The following IMMP2L variants were observed in gnomAD, a reference collection of about 807,000 sequenced individuals.
The protein encoded by IMMP2L is mitochondrial inner membrane protease subunit 2.
IMMP2L carries 18 observed loss-of-function variants against 19.3 expected under a neutral mutation model. The ratio of observed to expected loss-of-function variants is 0.93; its 90% confidence interval spans 0.64 to 1.38. The LOEUF (loss-of-function observed/expected upper bound fraction) is 1.38, where lower values mean the gene tolerates loss of function less well. Among genes scored for constraint, IMMP2L ranks in the 40% most tolerant of loss-of-function variants. IMMP2L has a pLI of 0.00. For missense variants in IMMP2L, 233 were observed against 218.2 expected (o/e 1.07, Z -0.43); for synonymous variants, 76 against 73.0 (o/e 1.04, Z -0.21).
intron 4 of IMMP2L, among the ~76,000 whole-genome samples, chr7:110,955,291 T>C (rs1259743740): frequency 1.3e-5 from 2 of 151,984 alleles, no homozygotes; most frequent in Non-Finnish European, 2.9e-5. Context: ...ATAGGTTGTC[T>C]ACTAATCTAT....
In IMMP2L at chr7:111,412,034, C is replaced by T. The variant is rs886502775; in HGVS notation, c.239+75204G>A. The stretch of plus-strand genomic sequence containing the variant: ...GGCCCCAACTTTGTTCCCTGATCTC[C>T]CTGAAGCCTGCAAAATTGGTCATCA... On this transcript the variant is annotated intron_variant, in intron 3 of 5. Coordinates refer to ENST00000405709, the MANE Select transcript of IMMP2L (RefSeq NM_032549.4). Among the ~76,000 whole-genome samples the T allele has an allele frequency of 2.8e-4, 43 of 151,634 alleles. 1 individual carries two copies. The highest frequency in any genetic ancestry group is 1.0e-3 in the African/African-American group (42 of 41,026).
intron 3 of IMMP2L, among the ~76,000 whole-genome samples, chr7:110,972,867 T>C (rs193264800): frequency 2.6e-5 from 4 of 152,214 alleles, no homozygotes; most frequent in Non-Finnish European, 5.9e-5. Context: ...AGGGTTCTAC[T>C]CATTTAACAG....
At chr7:110,916,833 G>T (rs1813665577) in intron 4 of IMMP2L, among the ~76,000 whole-genome samples, 2 of 152,000 alleles carry the variant, frequency 1.3e-5, no homozygotes, top group Admixed American at 6.6e-5. Context: ...TATTATAGTT[G>T]GTGATACATT....
intron 3 of IMMP2L, among the ~76,000 whole-genome samples, chr7:111,077,046 A>G (rs1795476127): frequency 1.3e-5 from 2 of 152,208 alleles, no homozygotes; most frequent in African/African-American, 4.8e-5. Context: ...TCTTATCTCA[A>G]GATGAAAGGC....
chr7:111,375,246 G>A (rs1007521787), intron 3 of IMMP2L, among the ~76,000 whole-genome samples: 4 of 151,838 alleles, frequency 2.6e-5, no homozygotes, highest in Non-Finnish European at 2.9e-5. Flanking sequence ...AAACTACCAG[G>A]AAACAGATGA....
intron 3 of IMMP2L, among the ~76,000 whole-genome samples, chr7:110,997,683 G>A (rs566341834): frequency 5.9e-5 from 9 of 151,268 alleles, no homozygotes; most frequent in South Asian, 2.1e-4. Flanking sequence ...TTTTCTGTTC[G>A]TGTCTTTTGC....
At chr7:111,347,854 T>C (rs1035937026) in intron 3 of IMMP2L, among the ~76,000 whole-genome samples, 8 of 152,084 alleles carry the variant, frequency 5.3e-5, no homozygotes, top group Non-Finnish European at 1.0e-4. Context: ...TCCTCTTTCA[T>C]AAATGAAATT....
chr7:111,462,652 T>C (rs983585429), intron 3 of IMMP2L, among the ~76,000 whole-genome samples: 5 of 152,134 alleles, frequency 3.3e-5, no homozygotes, highest in Non-Finnish European at 7.4e-5. Flanking sequence ...CTTTGTGTGA[T>C]AGAGCTTTTC....
In IMMP2L at chr7:111,213,490, C is replaced by T. The variant is rs1173451423; in HGVS notation, c.240-249925G>A. Among the ~76,000 whole-genome samples, 4 of 152,136 alleles carry T rather than the reference C, an allele frequency of 2.6e-5. No individual in the cohort carries two copies. The South Asian group carries it at 6.2e-4, about 24-fold the overall frequency. ...GGCCCCACCTTCAAGCTGGGGAGGG[C>T]CTGAAGCCCTCCAGGGGCCAGGCTG... is the stretch of plus-strand genomic sequence containing the variant. On this transcript the variant is annotated intron_variant, in intron 3 of 5. Coordinates refer to ENST00000405709, the MANE Select transcript of IMMP2L (RefSeq NM_032549.4). This position sits in a 1 kb window ranked among gnomAD's most constrained non-coding sequence, Gnocchi z 4.8.
In IMMP2L at chr7:111,356,419, A is replaced by T. The variant is rs372894510; in HGVS notation, c.239+130819T>A. On this transcript the variant is annotated intron_variant, in intron 3 of 5. Transcript: ENST00000405709. ...TATATGTAATCTAGAGGTGACTTTA[A>T]GTATAAGAAAGGATCTACATAGGTT... Among the ~76,000 whole-genome samples the T allele has an allele frequency of 8.5e-5, 13 of 152,254 alleles. No individual in the cohort carries two copies. In the East Asian group the frequency reaches 2.5e-3, roughly 29 times the overall value.
chr7:111,521,582 T>G, intron 1 of IMMP2L, 133 bp from the exon 2 acceptor site: 2 of 637,454 alleles, frequency 3.1e-6, no homozygotes, highest in Non-Finnish European at 5.0e-6. Flanking sequence ...CACTCATTCC[T>G]GTAACCATTA....
chr7:111,484,798 A>G lies in IMMP2L; in HGVS notation c.239+2440T>C, dbSNP rs183848388. 5.6e-4 allele frequency among the ~76,000 whole-genome samples: 85 copies of G among 152,282 alleles called. 2 individuals are homozygous for G. The highest frequency in any genetic ancestry group is 1.9e-3 in the African/African-American group (79 of 41,572). On this transcript the variant is annotated intron_variant, in intron 3 of 5. Transcript: ENST00000405709. ...TGTTTCATCATAAGACTAAAAAGATACTTTTTATTAGGCAGGGTCTCACTG... is the reference window on the plus strand; with the variant it reads ...TGTTTCATCATAAGACTAAAAAGATGCTTTTTATTAGGCAGGGTCTCACTG...
intron 3 of IMMP2L, among the ~76,000 whole-genome samples, chr7:111,278,492 G>A (rs998804385): frequency 6.6e-6 from 1 of 152,066 alleles, no homozygotes; most frequent in African/African-American, 2.4e-5. Flanking sequence ...AAAAATGAAT[G>A]TCACCATTTA....
chr7:110,903,441 C>T (rs1401966725), intron 4 of IMMP2L, among the ~76,000 whole-genome samples: 1 of 152,196 alleles, frequency 6.6e-6, no homozygotes, highest in African/African-American at 2.4e-5. Flanking sequence ...CTGGCAACCA[C>T]CATTCTACCC....
intron 3 of IMMP2L, among the ~76,000 whole-genome samples, chr7:111,142,207 T>A (rs922294246): frequency 4.0e-5 from 6 of 151,580 alleles, no homozygotes; most frequent in Non-Finnish European, 8.8e-5. Context: ...ATGCCTGTAA[T>A]CCCAGCTACT....
chr7:111,217,965 C>A (rs1812130610), intron 3 of IMMP2L, among the ~76,000 whole-genome samples: 1 of 151,988 alleles, frequency 6.6e-6, no homozygotes, highest in Admixed American at 6.6e-5. Context: ...GCAGTATTTT[C>A]ATGTTCTTCA....
At chr7:111,374,024 C>T (rs1167368207) in intron 3 of IMMP2L, among the ~76,000 whole-genome samples, 1 of 151,874 alleles carries the variant, frequency 6.6e-6, no homozygotes, top group African/African-American at 2.4e-5. Context: ...TGCTCTGACC[C>T]TTCCCATTTT....
At chr7:111,423,415 G>T (rs1001634806) in intron 3 of IMMP2L, among the ~76,000 whole-genome samples, 1 of 151,784 alleles carries the variant, frequency 6.6e-6, no homozygotes, top group African/African-American at 2.4e-5. Flanking sequence ...TCTATTTAGA[G>T]ATTCAACTTC....
At chr7:110,965,023 C>T (rs1231664769) in intron 3 of IMMP2L, among the ~76,000 whole-genome samples, 2 of 151,998 alleles carry the variant, frequency 1.3e-5, no homozygotes, top group African/African-American at 2.4e-5. Context: ...TTCTGGTTTC[C>T]TCACCCTCAG....
Sources: gnomAD v4.1 joint callset for allele counts (sites outside exome capture counted in the v4.1 genomes callset) on GRCh38, gnomAD v4.1.1 for gene constraint, Gnocchi (gnomAD v3.1) non-coding constraint, MANE v1.5 for transcripts, NCBI Gene and HGNC (gene_info 2026-07-23, HGNC 2026-07-21) for gene names.